Variants in GNG4 observed in about 807,000 individuals in gnomAD.
GNG4 encodes guanine nucleotide-binding protein G(I)/G(S)/G(O) subunit gamma-4.
GNG4 carries 4 observed loss-of-function variants against 5.8 expected under a neutral mutation model. The observed-to-expected ratio is 0.69, with a 90% CI of 0.34 to 1.57. The LOEUF (loss-of-function observed/expected upper bound fraction) is 1.57, where lower values mean the gene tolerates loss of function less well. GNG4 is among the 40% of genes most tolerant of loss of function. The pLI, the probability that GNG4 is intolerant of heterozygous loss-of-function variation, is 0.06. For missense variants in GNG4, 96 were observed against 95.1 expected (o/e 1.01, Z -0.04); for synonymous variants, 29 against 32.9 (o/e 0.88, Z 0.41).
At chr1:235,579,007 G>T (rs1481159364) in intron 3 of GNG4, among the ~76,000 whole-genome samples, 1 of 150,562 alleles carries the variant, frequency 6.6e-6, no homozygotes, top group Non-Finnish European at 1.5e-5. Context: ...TGAGGCAGAA[G>T]AATTGCTTGA....
At chr1:235,639,261 C>T (rs1009943557) in intron 1 of GNG4, among the ~76,000 whole-genome samples, 2 of 152,206 alleles carry the variant, frequency 1.3e-5, no homozygotes, top group African/African-American at 4.8e-5. Flanking sequence ...CTTTGGGGAC[C>T]ATGATTCTAC....
Position 235,597,616 on chromosome 1 carries a change from G to A in GNG4, c.-122-2105C>T, listed in dbSNP as rs1459700222. ...TGTGTGTGTGTGTGTGTGTGTGTGT[G>A]TGTGTGTGTGTGTATTTTTTTTTTT... On this transcript the variant is annotated intron_variant, in intron 1 of 3. Transcript: ENST00000391854. Among the ~76,000 whole-genome samples the A allele has an allele frequency of 2.0e-3, 212 of 103,706 alleles. 5 individuals are homozygous for A. Among genetic ancestry groups the A allele is most frequent in the African/African-American group, 6.3e-3 (176 of 28,010 alleles). 68.0% of individuals were successfully genotyped at this position (103,706 alleles called of 152,430 possible).
At chr1:235,594,829 C>T (rs1477295652) in intron 2 of GNG4, among the ~76,000 whole-genome samples, 1 of 152,214 alleles carries the variant, frequency 6.6e-6, no homozygotes, top group African/African-American at 2.4e-5. Context: ...AAGGGGCTCC[C>T]ACAGTGCAGC....
In GNG4 at chr1:235,618,830, A is replaced by G. The variant is rs1462724503; in HGVS notation, c.-122-23319T>C. Among the ~76,000 whole-genome samples the G allele has an allele frequency of 4.0e-5, 6 of 151,312 alleles. No individual in the cohort carries two copies. In the East Asian group the frequency reaches 1.2e-3, roughly 30 times the overall value. ...GCCACCCCACCTGGCTAATTTTTGTATTTTTAGTAGAGACGGGGTTTCACC... is the reference window on the plus strand; with the variant it reads ...GCCACCCCACCTGGCTAATTTTTGTGTTTTTAGTAGAGACGGGGTTTCACC... On this transcript the variant is annotated intron_variant, in intron 1 of 3. Coordinates refer to ENST00000391854, the MANE Select transcript of GNG4 (RefSeq NM_001098722.2).
intron 1 of GNG4, among the ~76,000 whole-genome samples, chr1:235,609,475 C>T (rs1415521681): frequency 1.3e-5 from 2 of 151,980 alleles, no homozygotes; most frequent in African/African-American, 2.4e-5. Context: ...GGTTGTGATT[C>T]GCATTTGCCT....
intron 2 of GNG4, among the ~76,000 whole-genome samples, chr1:235,585,240 TCTTC>T (rs749340174): frequency 2.6e-4 from 40 of 151,596 alleles, no homozygotes; most frequent in Non-Finnish European, 4.9e-4. Flanking sequence ...CCCCTTCCCT[TCTTC>T]CTTCCTTCCT....
rs184119428 is a variant in GNG4 at position 235,619,817 on chromosome 1, G to T, written c.-122-24306C>A. Among the ~76,000 whole-genome samples, 24 of 152,236 alleles carry T rather than the reference G, an allele frequency of 1.6e-4. No individual in the cohort carries two copies. The East Asian group carries it at 4.6e-3, about 29-fold the overall frequency. On this transcript the variant is annotated intron_variant, in intron 1 of 3. Coordinates refer to ENST00000391854, the MANE Select transcript of GNG4 (RefSeq NM_001098722.2). ...GATTTTGCTTTCCCTAACTCACATC[G>T]ATGTATTAAATGTATAATTTTAGCA...
intron 1 of GNG4, among the ~76,000 whole-genome samples, chr1:235,604,332 G>C (rs1688315807): frequency 6.6e-6 from 1 of 152,216 alleles, no homozygotes; most frequent in South Asian, 2.1e-4. Context: ...AGGTAGTTGA[G>C]CGATGGCGTG....
chr1:235,551,636 T>C lies in GNG4; in HGVS notation c.*473A>G, dbSNP rs919283778. ...ACTAGGATGATGGAAATGCAGGAAA[T>C]ACAGAACCTCTGCAGCTGCTTTCTC... On this transcript the variant is annotated 3_prime_UTR_variant, in exon 4 of 4. Transcript: ENST00000391854. 1 of 152,886 alleles carries C rather than the reference T, an allele frequency of 6.5e-6. No homozygotes were observed. Among genetic ancestry groups the C allele is most frequent in the Non-Finnish European group, 1.5e-5 (1 of 68,646 alleles). The allele number at this position is 152,886 out of a possible 1,614,324, so 9.5% of individuals were successfully genotyped here.
intron 2 of GNG4, among the ~76,000 whole-genome samples, chr1:235,585,346 C>A (rs1334338671): frequency 6.6e-6 from 1 of 152,154 alleles, no homozygotes; most frequent in African/African-American, 2.4e-5. Context: ...CTCAAGCGAT[C>A]CTCCTGCCTC....
At chr1:235,597,630 AT>A (rs746989867) in intron 1 of GNG4, among the ~76,000 whole-genome samples, 2,842 of 35,436 alleles carry the variant, frequency 0.08, 60 homozygotes, top group Non-Finnish European at 0.1. Context: ...GTGTGTGTGT[AT>A]TTTTTTTTTT....
intron 2 of GNG4, among the ~76,000 whole-genome samples, chr1:235,588,360 C>T (rs966431108): frequency 2.0e-5 from 3 of 152,076 alleles, no homozygotes; most frequent in African/African-American, 2.4e-5. Flanking sequence ...CTGGACCTGG[C>T]CCCCAGCGGG....
chr1:235,616,137 C>T, intron 1 of GNG4: 1 of 488,188 alleles, frequency 2.0e-6, no homozygotes, highest in South Asian at 1.5e-5. Flanking sequence ...CAACCCCCTT[C>T]CGCCTGCTGC....
chr1:235,612,599 T>G lies in GNG4; in HGVS notation c.-122-17088A>C, dbSNP rs560989938. Among the ~76,000 whole-genome samples, 42 of 152,206 alleles carry G rather than the reference T, an allele frequency of 2.8e-4. 1 individual carries two copies. The South Asian group carries it at 8.1e-3, about 29-fold the overall frequency. ...GTGCAGTGGTACGATCATGACTCAT[T>G]GCAGCCTTGACATCCCAGGCTCAAG... On this transcript the variant is annotated intron_variant, in intron 1 of 3. Transcript: ENST00000391854.
At chr1:235,575,486 C>A (rs1017939953) in intron 3 of GNG4, among the ~76,000 whole-genome samples, 1 of 152,204 alleles carries the variant, frequency 6.6e-6, no homozygotes, top group African/African-American at 2.4e-5. Context: ...CTATAGAACG[C>A]AGGCCCAACA....
intron 3 of GNG4, among the ~76,000 whole-genome samples, chr1:235,582,615 A>G (rs754479461): frequency 5.3e-5 from 8 of 152,104 alleles, no homozygotes; most frequent in African/African-American, 9.7e-5. Flanking sequence ...TTTCTATGCT[A>G]TTGGGACCCG....
At chr1:235,593,948 G>C (rs766591696) in intron 2 of GNG4, among the ~76,000 whole-genome samples, 4 of 152,252 alleles carry the variant, frequency 2.6e-5, no homozygotes, top group Non-Finnish European at 4.4e-5. Context: ...ACCCCAGCTG[G>C]CGCGGGCAGC....
At chr1:235,622,475 A>G (rs990881152) in intron 1 of GNG4, among the ~76,000 whole-genome samples, 3 of 152,150 alleles carry the variant, frequency 2.0e-5, no homozygotes, top group Admixed American at 1.3e-4. Flanking sequence ...GCATTTTGGG[A>G]GGCTGAGTTG....
At chr1:235,568,793 CTTTTT>C (rs10625498) in intron 3 of GNG4, among the ~76,000 whole-genome samples, 1 of 144,582 alleles carries the variant, frequency 6.9e-6, no homozygotes, top group Non-Finnish European at 1.5e-5. Flanking sequence ...TTTTTCTTTC[CTTTTT>C]TTTTTTCTTT....
Sources: allele counts gnomAD v4.1 joint callset (sites outside exome capture counted in the v4.1 genomes callset), GRCh38; gene constraint gnomAD v4.1.1; transcripts MANE v1.5; gene names NCBI Gene and HGNC (gene_info 2026-07-23, HGNC 2026-07-21).